PIEZO1: variants seen among roughly 807,000 people sequenced by gnomAD.
PIEZO1 encodes the protein piezo-type mechanosensitive ion channel component 1.
In PIEZO1, 296 loss-of-function variants were observed where a neutral mutation model predicts 297.2. The observed-to-expected ratio is 1.00, with a 90% CI of 0.91 to 1.10. PIEZO1 has a LOEUF of 1.10. PIEZO1 is among the 50% of genes least tolerant of loss of function. The pLI, the probability that PIEZO1 is intolerant of heterozygous loss-of-function variation, is 0.00. For missense variants in PIEZO1, 5,018 were observed against 3,455.5 expected (o/e 1.45, Z -11.34); for synonymous variants, 2,427 against 1,507.5 (o/e 1.61, Z -14.13).
intron 31 of PIEZO1, among the ~76,000 whole-genome samples, chr16:88,723,667 G>A (rs1904301490): frequency 6.6e-6 from 1 of 152,262 alleles, no homozygotes; most frequent in African/African-American, 2.4e-5. Context: ...AAGACCGTGG[G>A]GCAGCAGGCT....
intron 2 of PIEZO1, chr16:88,745,216 A>C (rs1199666166): frequency 6.6e-6 from 1 of 151,806 alleles, no homozygotes; most frequent in Non-Finnish European, 1.5e-5. Flanking sequence ...CCCGACTCCA[A>C]CTCCCTCCTG....
At chr16:88,732,215 A>C (rs1372808751) in intron 21 of PIEZO1, 120 bp downstream of exon 21, 4 of 832,030 alleles carry the variant, frequency 4.8e-6, no homozygotes, top group Non-Finnish European at 7.6e-6. Flanking sequence ...TGAGTCCCCC[A>C]CCCTCTGTGG....
rs374018271 is a variant in PIEZO1, at chr16:88,725,512, G to A, written c.4066C>T (p.Arg1356Cys). The change falls in exon 29 of 51, where the codon CGT becomes TGT. Residue 1356 changes from arginine (R) to cysteine (C), a missense_variant. Coordinates refer to ENST00000301015, the MANE Select transcript of PIEZO1 (RefSeq NM_001142864.4). ...TGCTTCTCCTGCTTGGCACGGATAC[G>A]CTCCATCCTGTGGTGGGGAAAGGTG... is the stretch of plus-strand genomic sequence containing the variant. ...SLAQLKRQME[R>C]IRAKQEKHRQ... 49 of 1,535,482 alleles carry A rather than the reference G, an allele frequency of 3.2e-5. No individual in the cohort carries two copies. The African/African-American group carries it at 6.1e-4, about 19-fold the overall frequency.
chr16:88,749,134 G>A (rs1906242770), intron 2 of PIEZO1, among the ~76,000 whole-genome samples: 1 of 151,866 alleles, frequency 6.6e-6, no homozygotes, highest in Non-Finnish European at 1.5e-5. Flanking sequence ...CAGCTACCCG[G>A]GAGGCTGAGG....
intron 1 of PIEZO1, among the ~76,000 whole-genome samples, chr16:88,764,081 C>T (rs1393381519): frequency 6.6e-6 from 1 of 152,122 alleles, no homozygotes; most frequent in Non-Finnish European, 1.5e-5. Flanking sequence ...GAAGGCTTCC[C>T]CGGGGGGCAC....
Position 88,727,027 on chromosome 16 carries a change from C to T in PIEZO1, c.3455+12G>A, listed in dbSNP as rs528706226. 28 of 1,548,016 alleles carry T rather than the reference C, an allele frequency of 1.8e-5. No individual in the cohort carries two copies. Among genetic ancestry groups the T allele is most frequent in the South Asian group, 7.1e-5 (6 of 83,986 alleles). On this transcript the variant is annotated intron_variant, in intron 24 of 50. Transcript: ENST00000301015. ...CCAGAAGGTTCCCCGTGGAGGGTGA[C>T]GTGGAACCCACCTGCAGTGGATAAA...
intron 1 of PIEZO1, among the ~76,000 whole-genome samples, chr16:88,752,731 G>T (rs1906452185): frequency 6.6e-6 from 1 of 152,094 alleles, no homozygotes; most frequent in African/African-American, 2.4e-5. Flanking sequence ...AGGACGATGG[G>T]GGCATGGGAG....
intron 1 of PIEZO1, among the ~76,000 whole-genome samples, chr16:88,752,231 C>A (rs1226017876): frequency 1.3e-5 from 2 of 152,196 alleles, no homozygotes; most frequent in African/African-American, 4.8e-5. Context: ...GCCTGTAATC[C>A]CAGCACTTTG....
At chr16:88,772,906 G>T (rs1907489816) in intron 1 of PIEZO1, among the ~76,000 whole-genome samples, 2 of 152,166 alleles carry the variant, frequency 1.3e-5, no homozygotes, top group Non-Finnish European at 2.9e-5. Flanking sequence ...AGGCTGGGGT[G>T]GGCCATGGCA....
At chr16:88,723,370 A>T (rs563057131) in intron 31 of PIEZO1, 42 bp from the exon 32 acceptor site, 1 of 1,534,208 alleles carries the variant, frequency 6.5e-7, no homozygotes. Flanking sequence ...CTCCCGAGCC[A>T]TCAGACCCAG....
intron 48 of PIEZO1, 28 bp from the exon 49 acceptor site, chr16:88,716,305 C>T (rs1365112847): frequency 1.3e-6 from 2 of 1,495,174 alleles, no homozygotes; most frequent in South Asian, 1.3e-5. Context: ...CAGGTCAGGC[C>T]TGGCCCAGCC....
At chr16:88,717,755 G>A (rs1009710292) in intron 44 of PIEZO1, 6 of 450,388 alleles carry the variant, frequency 1.3e-5, no homozygotes, top group African/African-American at 1.2e-4. Flanking sequence ...TAAGGTTCTA[G>A]CAACCAGAGA....
intron 31 of PIEZO1, among the ~76,000 whole-genome samples, 189 bp downstream of exon 31, chr16:88,723,682 A>G (rs1439995366): frequency 1.3e-5 from 2 of 152,258 alleles, no homozygotes; most frequent in African/African-American, 4.8e-5. Flanking sequence ...CAGGCTACAC[A>G]TGACCCATGT....
chr16:88,758,618 G>A (rs1161490648), intron 1 of PIEZO1, among the ~76,000 whole-genome samples: 10 of 152,240 alleles, frequency 6.6e-5, no homozygotes, highest in Admixed American at 5.2e-4. Flanking sequence ...GCACCCACCT[G>A]CAGAGCAGGC....
In PIEZO1 at chr16:88,735,059, G is replaced by A. The variant is rs1334706389; in HGVS notation, c.1670-6C>T. 2 of 1,550,266 alleles carry A rather than the reference G, an allele frequency of 1.3e-6. No homozygotes were observed. Among genetic ancestry groups the A allele is most frequent in the Non-Finnish European group, 8.7e-7 (1 of 1,146,858 alleles). The stretch of plus-strand genomic sequence containing the variant: ...CGTCTGCGTCCGCGTGGGCTCTGTG[G>A]GCCAAGCCAGGGGCAGGCGATGGCA... On this transcript the variant is annotated splice_polypyrimidine_tract_variant and splice_region_variant and intron_variant, in intron 13 of 50. Transcript: ENST00000301015.
At chr16:88,720,342 T>C (rs1338226316) in intron 41 of PIEZO1, 43 bp downstream of exon 41, 38 of 1,550,132 alleles carry the variant, frequency 2.5e-5, no homozygotes, top group Non-Finnish European at 3.3e-5. Context: ...GGGTGGCTGC[T>C]GAGCTCTGCG....
chr16:88,736,321 G>A lies in PIEZO1; in HGVS notation c.1384C>T (p.Leu462=), dbSNP rs1340189846. Residue 462 remains leucine (L), a synonymous_variant, in exon 12 of 51, where the codon CTG becomes TTG. Transcript: ENST00000301015. ...LIWTVRSRHQ[L]AMLCSPCILL... ...ATGCAGGGCGAGCACAGCATGGCCA[G>A]TTGGTGGCGGCTGCGCACCGTCCAG... 32 of 1,550,072 alleles carry A rather than the reference G, an allele frequency of 2.1e-5. No individual in the cohort carries two copies. The highest frequency in any genetic ancestry group is 2.6e-5 in the Non-Finnish European group (30 of 1,146,864).
Position 88,720,723 on chromosome 16 carries a change from CTCT to C in PIEZO1, c.5691_5693del (p.Glu1898del), listed in dbSNP as rs1912379705. 2 of 1,523,780 alleles carry C rather than the reference CTCT, an allele frequency of 1.3e-6. No homozygotes were observed. Among genetic ancestry groups the C allele is most frequent in the Non-Finnish European group, 1.8e-6 (2 of 1,135,480 alleles). The allele number at this position is 1,523,780 out of a possible 1,614,324, so 94.4% of individuals were successfully genotyped here. ...TGGGGGCCTCTTTCTCTTCCTCCCC[CTCT>C]TCTTCCTCCCTGTCCTCAGCTTCTG... On this transcript the variant is annotated inframe_deletion, in exon 40 of 51. Coordinates refer to ENST00000301015, the MANE Select transcript of PIEZO1 (RefSeq NM_001142864.4).
chr16:88,785,000 G>T lies in PIEZO1; in HGVS notation c.-36C>A, dbSNP rs1003584672. ...CCCAGGGCCCGGCCCAGACCGAGCG[G>T]ACGCCGCGGCGCTATGGGGCGGTGC... On this transcript the variant is annotated 5_prime_UTR_variant, in exon 1 of 51. Coordinates refer to ENST00000301015, the MANE Select transcript of PIEZO1 (RefSeq NM_001142864.4). The T allele has an allele frequency of 9.4e-5, 114 of 1,209,866 alleles. No homozygotes were observed. Among genetic ancestry groups the T allele is most frequent in the Non-Finnish European group, 1.1e-4 (107 of 968,848 alleles). 74.9% of individuals were successfully genotyped at this position (1,209,866 alleles called of 1,614,324 possible). A position where few individuals can be genotyped will look rare whatever the true frequency, so the allele number is the denominator to read the frequency against.
Sources: allele counts gnomAD v4.1 joint callset (sites outside exome capture counted in the v4.1 genomes callset), GRCh38; gene constraint gnomAD v4.1.1; transcripts MANE v1.5; gene names NCBI Gene and HGNC (gene_info 2026-07-23, HGNC 2026-07-21).